Variants in KCND2 observed in about 807,000 individuals in gnomAD.
KCND2 encodes potassium voltage-gated channel subfamily D member 2.
KCND2 carries 16 observed loss-of-function variants against 54.4 expected under a neutral mutation model. The observed-to-expected ratio is 0.29, with a 90% CI of 0.20 to 0.45. The LOEUF is 0.45. Ranked by LOEUF, KCND2 falls within the 20% of genes least tolerant of loss-of-function variation. The pLI is 1.00. For synonymous variants in KCND2, 317 were observed against 310.7 expected (o/e 1.02, Z -0.21); for missense variants, 486 against 824.2 (o/e 0.59, Z 5.02).
intron 1 of KCND2, among the ~76,000 whole-genome samples, chr7:120,609,485 G>A (rs1484040256): frequency 2.0e-5 from 3 of 152,124 alleles, no homozygotes; most frequent in East Asian, 3.9e-4. Context: ...GAAGGCTAAT[G>A]CATACAGTGT....
intron 5 of KCND2, 30 bp from the exon 6 acceptor site, chr7:120,747,651 T>TA (rs756520591): frequency 1.9e-6 from 3 of 1,546,046 alleles, no homozygotes; most frequent in Non-Finnish European, 2.7e-6. Flanking sequence ...GTAAACAACT[T>TA]ACTTTCCTAA....
At chr7:120,376,781 A>G (rs916048173) in intron 1 of KCND2, among the ~76,000 whole-genome samples, 5 of 151,868 alleles carry the variant, frequency 3.3e-5, no homozygotes, top group Non-Finnish European at 5.9e-5. Context: ...AACTGACAGC[A>G]TTAAAAAATC....
At chr7:120,325,662 T>C (rs1799963573) in intron 1 of KCND2, among the ~76,000 whole-genome samples, 1 of 152,102 alleles carries the variant, frequency 6.6e-6, no homozygotes, top group African/African-American at 2.4e-5. Context: ...CACTTGATCA[T>C]GGTGGATAAG....
intron 1 of KCND2, among the ~76,000 whole-genome samples, chr7:120,384,278 T>A (rs1253162304): frequency 6.6e-6 from 1 of 152,154 alleles, no homozygotes; most frequent in Non-Finnish European, 1.5e-5. Flanking sequence ...GAGGGCTGAC[T>A]GCAAGTTATA....
At chr7:120,435,833 G>A (rs1183281330) in intron 1 of KCND2, among the ~76,000 whole-genome samples, 3 of 152,056 alleles carry the variant, frequency 2.0e-5, no homozygotes, top group Non-Finnish European at 4.4e-5. Context: ...GAGTGTTTGG[G>A]CAATTGATGT....
At chr7:120,731,512 C>T (rs150262978) in intron 1 of KCND2, among the ~76,000 whole-genome samples, 6 of 152,182 alleles carry the variant, frequency 3.9e-5, no homozygotes, top group Admixed American at 6.5e-5. Flanking sequence ...GTGTAAAATA[C>T]AGGCAGGAAC....
rs187755986 is a variant in KCND2, at chr7:120,617,540, G to A, written c.1116-115363G>A. ...ACAGGAATGCTTATACACTGCTGGT[G>A]GGAATGTAAATTAGTTCAGTCACTG... is the stretch of plus-strand genomic sequence containing the variant. On this transcript the variant is annotated intron_variant, in intron 1 of 5. Coordinates refer to ENST00000331113, the MANE Select transcript of KCND2 (RefSeq NM_012281.3). Among the ~76,000 whole-genome samples the A allele has an allele frequency of 3.3e-5, 5 of 152,260 alleles. No individual in the cohort carries two copies. The East Asian group carries it at 9.7e-4, about 29-fold the overall frequency.
Position 120,658,197 on chromosome 7 carries a change from C to T in KCND2, c.1116-74706C>T, listed in dbSNP as rs187065405. Among the ~76,000 whole-genome samples the T allele has an allele frequency of 5.1e-3, 774 of 152,086 alleles. 3 individuals carry two copies. Among genetic ancestry groups the T allele is most frequent in the Non-Finnish European group, 8.9e-3 (605 of 67,964 alleles). The stretch of plus-strand genomic sequence containing the variant: ...TAATTTTTTTTTCCAGAAAGGAAGG[C>T]TTATCAATAGTGATAGTTTTAAGCT... On this transcript the variant is annotated intron_variant, in intron 1 of 5. Coordinates refer to ENST00000331113, the MANE Select transcript of KCND2 (RefSeq NM_012281.3).
intron 1 of KCND2, among the ~76,000 whole-genome samples, chr7:120,435,251 C>T (rs1015306391): frequency 2.7e-5 from 4 of 149,946 alleles, no homozygotes; most frequent in Admixed American, 2.0e-4. Context: ...GGATTGTAGG[C>T]GTGCACCACC....
At chr7:120,490,674 G>A (rs1802766661) in intron 1 of KCND2, among the ~76,000 whole-genome samples, 1 of 152,056 alleles carries the variant, frequency 6.6e-6, no homozygotes, top group African/African-American at 2.4e-5. Flanking sequence ...TGATATTCAT[G>A]GCATACCTGT....
chr7:120,296,771 G>A (rs1451105078), intron 1 of KCND2, among the ~76,000 whole-genome samples: 3 of 151,944 alleles, frequency 2.0e-5, no homozygotes, highest in African/African-American at 4.8e-5. Flanking sequence ...ATGTTGGCTA[G>A]GGTAGAATAA....
rs1441112207 is a variant in KCND2, at chr7:120,285,712, T to C, written c.1115+9965T>C. On this transcript the variant is annotated intron_variant, in intron 1 of 5. Coordinates refer to ENST00000331113, the MANE Select transcript of KCND2 (RefSeq NM_012281.3). ...TAGAAGTATACATGTTGATCTGTTG[T>C]CTGCTATTACTTTTTTAATATGGAA... Among the ~76,000 whole-genome samples the C allele has an allele frequency of 3.3e-5, 5 of 151,970 alleles. No individual in the cohort carries two copies. The East Asian group carries it at 5.8e-4, about 18-fold the overall frequency.
At chr7:120,694,321 A>G (rs1792307689) in intron 1 of KCND2, among the ~76,000 whole-genome samples, 3 of 152,270 alleles carry the variant, frequency 2.0e-5, no homozygotes, top group South Asian at 4.1e-4. Context: ...CTATATCTAG[A>G]TATAGGTGAT....
chr7:120,625,592 T>A lies in KCND2; in HGVS notation c.1116-107311T>A, dbSNP rs530358715. ...AGGTCCATTAACTCATACTATATAT[T>A]TGGGAGTTATTACTTGTGGAATTTT... On this transcript the variant is annotated intron_variant, in intron 1 of 5. Coordinates refer to ENST00000331113, the MANE Select transcript of KCND2 (RefSeq NM_012281.3). 3.3e-5 allele frequency among the ~76,000 whole-genome samples: 5 copies of A among 152,244 alleles called. No individual in the cohort carries two copies. The South Asian group carries it at 1.0e-3, about 32-fold the overall frequency.
chr7:120,301,773 A>T (rs921835356), intron 1 of KCND2, among the ~76,000 whole-genome samples: 1 of 152,146 alleles, frequency 6.6e-6, no homozygotes, highest in African/African-American at 2.4e-5. Flanking sequence ...TTCAAACAGA[A>T]AATATAAGTT....
intron 1 of KCND2, among the ~76,000 whole-genome samples, chr7:120,526,165 A>T (rs1490532140): frequency 6.6e-6 from 1 of 152,152 alleles, no homozygotes; most frequent in Non-Finnish European, 1.5e-5. Context: ...CTGTTTTATG[A>T]ATTTTCATGT....
chr7:120,449,245 C>T (rs901929618), intron 1 of KCND2, among the ~76,000 whole-genome samples: 7 of 151,080 alleles, frequency 4.6e-5, no homozygotes, highest in South Asian at 2.1e-4. Context: ...GGGAGAATGG[C>T]GTGAACCCAG....
intron 1 of KCND2, among the ~76,000 whole-genome samples, chr7:120,713,319 T>C (rs17142923): frequency 0.25 from 38,047 of 151,944 alleles, 5,255 homozygotes; most frequent in East Asian, 0.43. Flanking sequence ...CATCACGAAC[T>C]GGGAAGTAGG....
chr7:120,387,039 A>C (rs73433807), intron 1 of KCND2, among the ~76,000 whole-genome samples: 2,090 of 152,178 alleles, frequency 0.014, 46 homozygotes, highest in African/African-American at 0.044. Context: ...TCACTGTCTA[A>C]CATACTATGT....
Sources: allele counts gnomAD v4.1 joint callset (sites outside exome capture counted in the v4.1 genomes callset), GRCh38; gene constraint gnomAD v4.1.1; transcripts MANE v1.5; gene names NCBI Gene and HGNC (gene_info 2026-07-23, HGNC 2026-07-21).